The following AATF variants were observed in gnomAD, a reference collection of about 807,000 sequenced individuals.
The protein encoded by AATF is apoptosis antagonizing transcription factor.
AATF carries 48 observed loss-of-function variants against 63.7 expected under a neutral mutation model. The observed-to-expected ratio is 0.75, with a 90% CI of 0.60 to 0.96. The LOEUF (loss-of-function observed/expected upper bound fraction) is 0.96. AATF is among the 40% of genes least tolerant of loss of function. The probability of loss-of-function intolerance (pLI) is 0.00; values close to 1 mark genes in which losing one functional copy is unlikely to be tolerated. For missense variants in AATF, 639 were observed against 685.7 expected (o/e 0.93, Z 0.76); for synonymous variants, 258 against 247.7 (o/e 1.04, Z -0.39).
intron 5 of AATF, among the ~76,000 whole-genome samples, chr17:36,988,234 T>C (rs2071183985): frequency 6.6e-6 from 1 of 152,168 alleles, no homozygotes; most frequent in Non-Finnish European, 1.5e-5. Flanking sequence ...TGAGAATTGC[T>C]TGAACCCAGA....
chr17:36,952,897 T>C lies in AATF; in HGVS notation c.295T>C (p.Ser99Pro). ...TCTCTTCTTTGTAGATGAGGAAATA[T>C]CTGATGAGGAAGGGTCTGGAGATGA... ...TLPGSSDEEI[S>P]DEEGSGDEDS... The change falls in exon 3 of 12, where the codon TCT (serine) becomes CCT (proline). Residue 99 changes from serine to proline, a missense_variant. Physicochemically the swap from Ser to Pro is moderately conservative, Grantham distance 74. Coordinates refer to ENST00000619387, the MANE Select transcript of AATF (RefSeq NM_012138.4). The C allele has an allele frequency of 1.2e-6, 2 of 1,612,674 alleles. No individual in the cohort carries two copies. The highest frequency in any genetic ancestry group is 1.7e-6 in the Non-Finnish European group (2 of 1,178,934).
At chr17:36,963,282 A>C (rs1385871024) in intron 4 of AATF, among the ~76,000 whole-genome samples, 1 of 152,220 alleles carries the variant, frequency 6.6e-6, no homozygotes, top group African/African-American at 2.4e-5. Context: ...TTTAGTGAGC[A>C]TCGATCAACA....
intron 11 of AATF, among the ~76,000 whole-genome samples, chr17:37,053,376 C>T (rs1241360769): frequency 6.6e-6 from 1 of 151,916 alleles, no homozygotes; most frequent in Non-Finnish European, 1.5e-5. Flanking sequence ...TAATGTCAAA[C>T]AATTAAAATA....
chr17:36,962,977 G>T (rs190842452), intron 4 of AATF, among the ~76,000 whole-genome samples: 1 of 152,224 alleles, frequency 6.6e-6, no homozygotes, highest in Admixed American at 6.5e-5. Flanking sequence ...AAATGAGCCG[G>T]GAGTGGTGGC....
intron 4 of AATF, among the ~76,000 whole-genome samples, chr17:36,955,033 C>G (rs927252944): frequency 1.3e-5 from 2 of 152,086 alleles, no homozygotes; most frequent in African/African-American, 4.8e-5. Flanking sequence ...AGGCCTTGGC[C>G]TCCCAAAGTG....
chr17:37,039,545 A>G lies in AATF; in HGVS notation c.1619+7860A>G, dbSNP rs1369994949. Reference sequence around the variant, plus strand: ...TACAGCTTTGCATTAACTCGGATTGACATAGTTTATAATTTGCTTGTTGAT... The same window carrying G: ...TACAGCTTTGCATTAACTCGGATTGGCATAGTTTATAATTTGCTTGTTGAT... On this transcript the variant is annotated intron_variant, in intron 11 of 11. Transcript: ENST00000619387. Among the ~76,000 whole-genome samples the G allele has an allele frequency of 4.6e-5, 7 of 152,180 alleles. No individual in the cohort carries two copies. The East Asian group carries it at 1.3e-3, about 29-fold the overall frequency.
chr17:36,996,156 G>A (rs1008126099), intron 8 of AATF, among the ~76,000 whole-genome samples: 1 of 152,136 alleles, frequency 6.6e-6, no homozygotes, highest in Non-Finnish European at 1.5e-5. Flanking sequence ...AATTGGCCAG[G>A]CATGGTGGCT....
At chr17:37,012,161 C>T (rs2071396843) in intron 8 of AATF, among the ~76,000 whole-genome samples, 1 of 151,922 alleles carries the variant, frequency 6.6e-6, no homozygotes, top group Non-Finnish European at 1.5e-5. Flanking sequence ...CAAGCGATTT[C>T]TCCTGCCTCA....
chr17:37,035,051 GAGGCGGA>G (rs1285327528), intron 11 of AATF, among the ~76,000 whole-genome samples: 1 of 151,036 alleles, frequency 6.6e-6, no homozygotes, highest in Non-Finnish European at 1.5e-5. Context: ...GTGAACCCAG[GAGGCGGA>G]GCTTGCAGTG....
chr17:37,013,392 T>A (rs1256977627), intron 8 of AATF, among the ~76,000 whole-genome samples: 1 of 152,186 alleles, frequency 6.6e-6, no homozygotes, highest in Non-Finnish European at 1.5e-5. Context: ...GAATGGGTAA[T>A]TTTTGAGGAA....
chr17:37,037,839 C>T (rs761232067), intron 11 of AATF, among the ~76,000 whole-genome samples: 14 of 152,182 alleles, frequency 9.2e-5, no homozygotes, highest in Admixed American at 1.3e-4. Context: ...GCACCATTCC[C>T]GTGGTGCTGT....
chr17:37,011,794 T>G (rs1339975443), intron 8 of AATF, among the ~76,000 whole-genome samples: 1 of 152,124 alleles, frequency 6.6e-6, no homozygotes, highest in African/African-American at 2.4e-5. Context: ...CCATTAGACA[T>G]AGAGATCTTG....
intron 8 of AATF, among the ~76,000 whole-genome samples, chr17:37,013,954 T>C (rs899087919): frequency 1.3e-5 from 2 of 152,180 alleles, no homozygotes; most frequent in South Asian, 4.1e-4. Context: ...TAGAGCTCTC[T>C]GGACTCTTCT....
chr17:36,998,068 C>T (rs1307982869), intron 8 of AATF, among the ~76,000 whole-genome samples: 1 of 152,006 alleles, frequency 6.6e-6, no homozygotes, highest in Non-Finnish European at 1.5e-5. Flanking sequence ...TTTGGGGACT[C>T]GTGGGGGAAG....
intron 1 of AATF, 141 bp from the exon 2 acceptor site, chr17:36,950,073 G>A (rs2070841105): frequency 2.2e-6 from 2 of 895,304 alleles, no homozygotes; most frequent in South Asian, 1.6e-5. Flanking sequence ...TACTTTGGGA[G>A]AGAGTGAATT....
chr17:36,961,523 GA>G (rs1158741372), intron 4 of AATF, among the ~76,000 whole-genome samples: 1 of 152,094 alleles, frequency 6.6e-6, no homozygotes, highest in African/African-American at 2.4e-5. Context: ...TTGAAATCCA[GA>G]GTATATTCTA....
rs1270007418 is a variant in AATF, at chr17:36,988,526, AT to A, written c.958del (p.Ser320LeufsTer8). On this transcript the variant is annotated frameshift_variant, in exon 6 of 12. Transcript: ENST00000619387. LOFTEE classifies it high-confidence loss of function. ...TTCTTACTGCTTTTCTAGTGAGGAG[AT>A]TTCTAGTGAAGATGATGAGCTGGTA... ...GTKPNAGSEE[I>X]SSEDDELVEE... 6.2e-7 allele frequency: 1 copy of A among 1,613,750 alleles called. No homozygotes were observed.
intron 11 of AATF, among the ~76,000 whole-genome samples, chr17:37,053,800 A>G (rs748198497): frequency 2.0e-5 from 3 of 152,142 alleles, no homozygotes; most frequent in African/African-American, 2.4e-5. Context: ...CGGGAGGCGG[A>G]GGTTGCAGTG....
At chr17:36,986,544 T>G in intron 4 of AATF, 73 bp from the exon 5 acceptor site, 203 of 1,247,900 alleles carry the variant, frequency 1.6e-4, no homozygotes, top group Non-Finnish European at 2.1e-4. Flanking sequence ...TCAGGAGTCA[T>G]GAGTTATAGG....
Sources: gnomAD v4.1 joint callset for allele counts (sites outside exome capture counted in the v4.1 genomes callset) on GRCh38, gnomAD v4.1.1 for gene constraint, MANE v1.5 for transcripts, NCBI Gene and HGNC (gene_info 2026-07-23, HGNC 2026-07-21) for gene names.